The following CNGB1 variants were observed in gnomAD, a reference collection of about 807,000 sequenced individuals.
CNGB1 encodes cyclic nucleotide-gated channel beta-1.
A neutral mutation model predicts 151.7 loss-of-function variants in CNGB1; 126 were observed. The ratio of observed to expected loss-of-function variants is 0.83; its 90% CI spans 0.72 to 0.96. The LOEUF (loss-of-function observed/expected upper bound fraction) is 0.96, where lower values mean the gene tolerates loss of function less well. CNGB1 is among the 40% of genes least tolerant of loss of function. The probability of loss-of-function intolerance (pLI) is 0.00; values close to 1 mark genes in which losing one functional copy is unlikely to be tolerated. For synonymous variants in CNGB1, 623 were observed against 635.1 expected (o/e 0.98, Z 0.29); for missense variants, 1,698 against 1,627.0 (o/e 1.04, Z -0.75).
chr16:57,883,986 G>C lies in CNGB1; in HGVS notation c.*178C>G. On this transcript the variant is annotated 3_prime_UTR_variant, in exon 33 of 33. Coordinates refer to ENST00000251102, the MANE Select transcript of CNGB1 (RefSeq NM_001297.5). ...GAGCTCAGGCCCAGCCCCGCGAGGA[G>C]CTGAGTCGGGGCTGGCGTGCTGGCG... The C allele has an allele frequency of 2.5e-6, 2 of 804,778 alleles. No homozygotes were observed. The highest frequency in any genetic ancestry group is 3.3e-5 in the South Asian group (2 of 60,564). The allele number at this position is 804,778 out of a possible 1,614,324, so 49.9% of individuals were successfully genotyped here.
chr16:57,929,746 A>G (rs1473487489), intron 17 of CNGB1, among the ~76,000 whole-genome samples: 1 of 152,238 alleles, frequency 6.6e-6, no homozygotes, highest in African/African-American at 2.4e-5. Context: ...TGAGAACAGC[A>G]TGGGGAAAAC....
At chr16:57,939,407 A>G (rs1961601524) in intron 16 of CNGB1, 23 bp downstream of exon 16, 3 of 1,613,872 alleles carry the variant, frequency 1.9e-6, no homozygotes, top group East Asian at 2.2e-5. Flanking sequence ...TGCGCAACCC[A>G]TCACCACCAC....
chr16:57,967,558 T>C (rs1050320368), intron 1 of CNGB1, among the ~76,000 whole-genome samples: 2 of 152,060 alleles, frequency 1.3e-5, no homozygotes, highest in Non-Finnish European at 2.9e-5. Context: ...TAGCCAGGTG[T>C]AGTGGCTCAC....
chr16:57,920,551 G>A lies in CNGB1; in HGVS notation c.1644-7C>T. ...GGCCGCACGGTCCTGGCCACTGTGG[G>A]AACATCACCCAAAGCTGAGCAGGCT... is the stretch of plus-strand genomic sequence containing the variant. On this transcript the variant is annotated splice_region_variant and splice_polypyrimidine_tract_variant and intron_variant, in intron 18 of 32. Coordinates refer to ENST00000251102, the MANE Select transcript of CNGB1 (RefSeq NM_001297.5). 1 of 1,611,560 alleles carries A rather than the reference G, an allele frequency of 6.2e-7. No homozygotes were observed. Among genetic ancestry groups the A allele is most frequent in the Non-Finnish European group, 8.5e-7 (1 of 1,180,004 alleles).
intron 8 of CNGB1, 106 bp from the exon 9 acceptor site, chr16:57,960,636 TG>T: frequency 6.9e-7 from 1 of 1,444,566 alleles, no homozygotes; most frequent in Non-Finnish European, 9.6e-7. Context: ...GAGCCGGGGA[TG>T]GGGGTGGGGG....
At chr16:57,902,916 A>G (rs1274910594) in intron 27 of CNGB1, among the ~76,000 whole-genome samples, 8 of 152,210 alleles carry the variant, frequency 5.3e-5, no homozygotes, top group Non-Finnish European at 1.2e-4. Context: ...TAAATCCCCT[A>G]AGCAACCCAA....
intron 31 of CNGB1, among the ~76,000 whole-genome samples, chr16:57,890,211 G>T (rs1960050313): frequency 2.0e-5 from 3 of 152,162 alleles, no homozygotes; most frequent in Non-Finnish European, 4.4e-5. Context: ...TAAAAATGAG[G>T]CCATTACTGG....
Position 57,964,543 on chromosome 16 carries a change from G to C in CNGB1, c.161C>G (p.Pro54Arg), listed in dbSNP as rs1350927024. 13 of 1,613,998 alleles carry C rather than the reference G, an allele frequency of 8.1e-6. No homozygotes were observed. Among genetic ancestry groups the C allele is most frequent in the Middle Eastern group, 3.3e-4 (2 of 6,072 alleles). The stretch of plus-strand genomic sequence containing the variant: ...CTCCTCCTTGAATGACTCTTCGGGG[G>C]GCTAGAGGGTTCGAACAGGATCATG... The part of the protein sequence containing the change: ...EEAETESESM[P>R]PEESFKEEEV... The change falls in exon 3 of 33, where the codon CCC (proline) becomes CGC (arginine). Residue 54 changes from proline to arginine, a missense_variant and splice_region_variant. By Grantham distance (103) the Pro-to-Arg change is moderately radical (BLOSUM62 -2). Transcript: ENST00000251102.
chr16:57,886,653 A>G (rs1247302167), intron 32 of CNGB1, among the ~76,000 whole-genome samples: 1 of 152,070 alleles, frequency 6.6e-6, no homozygotes, highest in African/African-American at 2.4e-5. Context: ...TGCTGTGTAG[A>G]CTGTTAAGCC....
At chr16:57,938,039 C>A (rs1961559021) in intron 16 of CNGB1, among the ~76,000 whole-genome samples, 1 of 152,220 alleles carries the variant, frequency 6.6e-6, no homozygotes, top group South Asian at 2.1e-4. Context: ...TTTAGCAGGT[C>A]TGGATCGCGG....
At chr16:57,935,825 G>C (rs921036849) in intron 16 of CNGB1, among the ~76,000 whole-genome samples, 1 of 151,774 alleles carries the variant, frequency 6.6e-6, no homozygotes, top group African/African-American at 2.4e-5. Context: ...TAGATTCAAG[G>C]CTTGCCTACC....
rs373363042 is a variant in CNGB1, at chr16:57,904,106, A to AG, written c.2635-126dup. 235 of 784,114 alleles carry AG rather than the reference A, an allele frequency of 3.0e-4. No individual in the cohort carries two copies. The African/African-American group carries it at 3.1e-3, about 10-fold the overall frequency. The allele number at this position is 784,114 out of a possible 1,614,324, so 48.6% of individuals were successfully genotyped here. A position where few individuals can be genotyped will look rare whatever the true frequency, so the allele number is the denominator to read the frequency against. ...CATGTGCTCCTGGCAGGGCGTTGGGAGGGGGGTAGGCAGATGTCCTCACAC... is the reference window on the plus strand; with the variant it reads ...CATGTGCTCCTGGCAGGGCGTTGGGAGGGGGGGTAGGCAGATGTCCTCACAC... On this transcript the variant is annotated intron_variant, in intron 26 of 32. Transcript: ENST00000251102.
intron 12 of CNGB1, among the ~76,000 whole-genome samples, chr16:57,951,026 G>A (rs1480982290): frequency 5.3e-5 from 8 of 152,162 alleles, no homozygotes; most frequent in Admixed American, 3.3e-4. Flanking sequence ...CCATACGTTC[G>A]GCATTTGCTT....
In CNGB1 at chr16:57,904,895, G is replaced by A. The variant is rs768301724; in HGVS notation, c.2493-20C>T. 1.2e-5 allele frequency: 19 copies of A among 1,614,130 alleles called. 1 individual carries two copies. In the Admixed American group the frequency reaches 3.2e-4, roughly 27 times the overall value. On this transcript the variant is annotated intron_variant, in intron 25 of 32. Transcript: ENST00000251102. Reference sequence around the variant, plus strand: ...ATATAACTGGAGAGAGAGGAGAAAGGGAACATGGGTCATCACAGGCCCCAC... The same window carrying A: ...ATATAACTGGAGAGAGAGGAGAAAGAGAACATGGGTCATCACAGGCCCCAC...
Position 57,883,866 on chromosome 16 carries a change from T to C in CNGB1, c.*298A>G. 1.9e-6 allele frequency: 1 copy of C among 531,054 alleles called. No individual in the cohort carries two copies. The highest frequency in any genetic ancestry group is 2.2e-5 in the South Asian group (1 of 46,040). 32.9% of individuals were successfully genotyped at this position (531,054 alleles called of 1,614,324 possible). ...ACCCATGAACTTTAAAAGTGGAAAA[T>C]CATTTTGTTCTTAAAAAGAGGAACA... On this transcript the variant is annotated 3_prime_UTR_variant, in exon 33 of 33. Transcript: ENST00000251102.
In CNGB1 at chr16:57,958,415, C is replaced by A. The variant is rs1263336688; in HGVS notation, c.832G>T (p.Glu278Ter). The part of the protein sequence containing the change: ...PQPVLHGKIG[E>*]QEPDSPGICD... ...TCCATGAGCCCAGCACTGACCTGTT[C>A]CCCTATTTTCCCATGTAGCACTGGC... The change falls in exon 11 of 33, where the codon GAA (glutamate) becomes TAA (stop). Residue 278 changes from glutamate (E) to a stop codon, truncating the protein, a stop_gained. Coordinates refer to ENST00000251102, the MANE Select transcript of CNGB1 (RefSeq NM_001297.5). LOFTEE classifies it high-confidence loss of function. 2 of 1,613,950 alleles carry A rather than the reference C, an allele frequency of 1.2e-6. No homozygotes were observed. Among genetic ancestry groups the A allele is most frequent in the South Asian group, 1.1e-5 (1 of 91,064 alleles).
chr16:57,897,666 C>T (rs1596955460), intron 30 of CNGB1, 123 bp from the exon 31 acceptor site: 1 of 1,543,482 alleles, frequency 6.5e-7, no homozygotes, highest in East Asian at 2.2e-5. Context: ...TTCCCCCGCC[C>T]CCATCCCCGC....
chr16:57,890,311 G>A (rs1960052360), intron 31 of CNGB1, among the ~76,000 whole-genome samples: 2 of 152,170 alleles, frequency 1.3e-5, no homozygotes, highest in South Asian at 2.1e-4. Flanking sequence ...GATCCCCCAG[G>A]AGAACACAAA....
At chr16:57,899,862 G>C (rs1960338645) in intron 29 of CNGB1, among the ~76,000 whole-genome samples, 1 of 152,160 alleles carries the variant, frequency 6.6e-6, no homozygotes, top group African/African-American at 2.4e-5. Flanking sequence ...AGTCCCCGGG[G>C]TGTCTCAGAG....
Sources: allele counts gnomAD v4.1 joint callset (sites outside exome capture counted in the v4.1 genomes callset), GRCh38; gene constraint gnomAD v4.1.1; transcripts MANE v1.5; gene names NCBI Gene and HGNC (gene_info 2026-07-23, HGNC 2026-07-21).